Variants in RUNDC3B observed in about 807,000 individuals in gnomAD.
RUNDC3B encodes the protein RUN domain-containing protein 3B.
Under a neutral mutation model 58.4 loss-of-function variants are expected in RUNDC3B, and 33 were observed. The observed-to-expected ratio is 0.56, with a 90% CI of 0.43 to 0.75. RUNDC3B has a LOEUF of 0.75. Among genes scored for constraint, RUNDC3B ranks in the 30% least tolerant of loss-of-function variants. The pLI is 0.00. For synonymous variants in RUNDC3B, 193 were observed against 195.2 expected, an observed-to-expected ratio of 0.99 and a Z score of 0.10; for missense variants, 501 against 535.7, an observed-to-expected ratio of 0.94 and a Z score of 0.64.
intron 8 of RUNDC3B, among the ~76,000 whole-genome samples, chr7:87,804,461 A>G (rs1444705655): frequency 6.6e-6 from 1 of 152,162 alleles, no homozygotes; most frequent in Non-Finnish European, 1.5e-5. Flanking sequence ...AAATTAAATT[A>G]TGTTATTTTG....
At chr7:87,726,541 G>T (rs1379617103) in intron 4 of RUNDC3B, among the ~76,000 whole-genome samples, 1 of 152,158 alleles carries the variant, frequency 6.6e-6, no homozygotes, top group Non-Finnish European at 1.5e-5. Context: ...CTCCAGCTTT[G>T]TTCTTTTGGC....
At chr7:87,819,163 G>T (rs1240419744) in intron 10 of RUNDC3B, among the ~76,000 whole-genome samples, 2 of 152,188 alleles carry the variant, frequency 1.3e-5, no homozygotes, top group African/African-American at 4.8e-5. Flanking sequence ...TGATCAGCTA[G>T]TCCGACTGAT....
intron 8 of RUNDC3B, among the ~76,000 whole-genome samples, chr7:87,782,320 ACT>A (rs1238132743): frequency 6.6e-6 from 1 of 151,188 alleles, no homozygotes; most frequent in African/African-American, 2.4e-5. Context: ...TGTAATGTCA[ACT>A]CTGTCATTTC....
chr7:87,729,285 A>G (rs1363098165), intron 4 of RUNDC3B, among the ~76,000 whole-genome samples: 2 of 152,166 alleles, frequency 1.3e-5, no homozygotes, highest in African/African-American at 4.8e-5. Flanking sequence ...CAGAAGTGCA[A>G]TCGCAGTGTG....
In RUNDC3B at chr7:87,822,234, A is replaced by AACAG. The variant is rs1477730337; in HGVS notation, c.1225+5976_1225+5979dup. Among the ~76,000 whole-genome samples, 5 of 152,364 alleles carry AACAG rather than the reference A, an allele frequency of 3.3e-5. No individual in the cohort carries two copies. In the East Asian group the frequency reaches 7.7e-4, roughly 23 times the overall value. ...CATCAAAAAGTGGGCGAAGGACATG[A>AACAG]ACAGACACTTCTCAAAAGAAGACAT... On this transcript the variant is annotated intron_variant, in intron 10 of 10. Coordinates refer to ENST00000394654, the MANE Select transcript of RUNDC3B (RefSeq NM_001134405.2).
At chr7:87,740,302 A>G (rs1247379795) in intron 5 of RUNDC3B, among the ~76,000 whole-genome samples, 1 of 152,084 alleles carries the variant, frequency 6.6e-6, no homozygotes, top group Non-Finnish European at 1.5e-5. Flanking sequence ...TATCTTGGGT[A>G]TCTTACGTCT....
At chr7:87,758,933 C>T (rs1459616869) in intron 6 of RUNDC3B, among the ~76,000 whole-genome samples, 1 of 152,048 alleles carries the variant, frequency 6.6e-6, no homozygotes, top group African/African-American at 2.4e-5. Flanking sequence ...TTTCTCAAAA[C>T]ACTTAAAAAA....
chr7:87,738,666 A>C (rs1405922203), intron 4 of RUNDC3B, among the ~76,000 whole-genome samples: 1 of 152,014 alleles, frequency 6.6e-6, no homozygotes, highest in Non-Finnish European at 1.5e-5. Flanking sequence ...AGCCTTCTTA[A>C]GCAATTCATC....
intron 6 of RUNDC3B, among the ~76,000 whole-genome samples, chr7:87,752,202 G>T (rs1833048614): frequency 6.6e-6 from 1 of 152,032 alleles, no homozygotes; most frequent in Non-Finnish European, 1.5e-5. Flanking sequence ...TATGGAACCA[G>T]CCTTGCATCC....
chr7:87,752,552 A>C (rs951988652), intron 6 of RUNDC3B, among the ~76,000 whole-genome samples: 5 of 152,102 alleles, frequency 3.3e-5, no homozygotes, highest in East Asian at 1.9e-4. Context: ...ACAATTTCAG[A>C]TCCTGTTATT....
chr7:87,718,045 T>G (rs1415194123), intron 4 of RUNDC3B, among the ~76,000 whole-genome samples: 1 of 152,180 alleles, frequency 6.6e-6, no homozygotes, highest in Non-Finnish European at 1.5e-5. Context: ...TTCATTGATA[T>G]AAAAACCATA....
intron 2 of RUNDC3B, among the ~76,000 whole-genome samples, chr7:87,700,019 T>A (rs979806057): frequency 1.3e-5 from 2 of 152,198 alleles, no homozygotes; most frequent in Non-Finnish European, 2.9e-5. Flanking sequence ...TTCTGTTTTT[T>A]TAAATAGAGA....
chr7:87,819,772 T>C (rs1458549059), intron 10 of RUNDC3B, among the ~76,000 whole-genome samples: 5 of 152,174 alleles, frequency 3.3e-5, no homozygotes, highest in Admixed American at 2.0e-4. Context: ...CTGAACAACC[T>C]GCTCCTGAGT....
At chr7:87,706,093 A>G (rs990274138) in intron 3 of RUNDC3B, among the ~76,000 whole-genome samples, 1 of 152,150 alleles carries the variant, frequency 6.6e-6, no homozygotes, top group Non-Finnish European at 1.5e-5. Context: ...TATCCTGTAC[A>G]TTCCTTCATT....
At chr7:87,777,208 C>G (rs1475706240) in intron 7 of RUNDC3B, among the ~76,000 whole-genome samples, 3 of 152,164 alleles carry the variant, frequency 2.0e-5, no homozygotes, top group East Asian at 3.8e-4. Context: ...GTACCAGACA[C>G]CATTCTAAGC....
intron 6 of RUNDC3B, among the ~76,000 whole-genome samples, chr7:87,761,640 A>G (rs1833687448): frequency 6.6e-6 from 1 of 151,960 alleles, no homozygotes; most frequent in South Asian, 2.1e-4. Flanking sequence ...TCAGCCTTAA[A>G]ATGGGATGAA....
intron 4 of RUNDC3B, among the ~76,000 whole-genome samples, chr7:87,737,346 C>A (rs1367345696): frequency 6.6e-6 from 1 of 151,924 alleles, no homozygotes; most frequent in Non-Finnish European, 1.5e-5. Context: ...GTTTAATGTT[C>A]CAATTTTTCA....
Position 87,806,969 on chromosome 7 carries a change from A to G in RUNDC3B, c.957-404A>G, listed in dbSNP as rs532021764. Among the ~76,000 whole-genome samples the G allele has an allele frequency of 1.4e-4, 21 of 152,154 alleles. No individual in the cohort carries two copies. In the South Asian group the frequency reaches 4.4e-3, roughly 32 times the overall value. On this transcript the variant is annotated intron_variant, in intron 8 of 10. Coordinates refer to ENST00000394654, the MANE Select transcript of RUNDC3B (RefSeq NM_001134405.2). ...TACTTGAATTAAAATACTTTAATAG[A>G]TTGTGTCTGAGTTTTGAAGCTAGGA...
intron 2 of RUNDC3B, among the ~76,000 whole-genome samples, chr7:87,668,967 G>A (rs1158771461): frequency 6.6e-6 from 1 of 152,086 alleles, no homozygotes; most frequent in African/African-American, 2.4e-5. Context: ...TTTTGGTGGA[G>A]AGTTCTATAG....
Sources: gnomAD v4.1 joint callset for allele counts (sites outside exome capture counted in the v4.1 genomes callset) on GRCh38, gnomAD v4.1.1 for gene constraint, MANE v1.5 for transcripts, NCBI Gene and HGNC (gene_info 2026-07-23, HGNC 2026-07-21) for gene names.